The following NEMF variants were observed in gnomAD, a reference collection of about 807,000 sequenced individuals.
NEMF encodes the protein nuclear export mediator factor.
In NEMF, 89 loss-of-function variants were observed where a neutral mutation model predicts 162.2. The observed-to-expected ratio is 0.55, with a 90% CI of 0.46 to 0.65. NEMF has a LOEUF of 0.65. Among genes scored for constraint, NEMF ranks in the 30% least tolerant of loss-of-function variants. NEMF has a pLI of 0.00. For missense variants in NEMF, 1,133 were observed against 1,261.9 expected (o/e 0.90, Z 1.55); for synonymous variants, 421 against 404.5 (o/e 1.04, Z -0.49).
In NEMF at chr14:49,832,271, T is replaced by G; in HGVS notation, c.742A>C (p.Ile248Leu). 6.3e-7 allele frequency: 1 copy of G among 1,580,942 alleles called. No individual in the cohort carries two copies. The highest frequency in any genetic ancestry group is 1.1e-5 in the South Asian group (1 of 88,626). Reference protein sequence around the residue: ...TTSNFSGKGYIIQKREIKPSL... With the variant: ...TTSNFSGKGYLIQKREIKPSL... ...GGTTTTATTTCTCTTTTCTGAATGA[T>G]ATATCCCTACAAAAATGCAACATTA... is the stretch of plus-strand genomic sequence containing the variant. Residue 248 changes from isoleucine to leucine, a missense_variant, in exon 9 of 33, where the codon ATC becomes CTC. Physicochemically the swap from Ile to Leu is conservative, Grantham distance 5. This residue lies in a region of NEMF where 582 missense variants were observed against 631.5 expected (regional missense o/e 0.92). Transcript: ENST00000298310.
rs182447352 is a variant in NEMF at position 49,785,353 on chromosome 14, T to G, written c.2929-33A>C. ...GGGAAAATAACAGTTACAAAGGCAA[T>G]TTATACCGCCCTTTACAAAAAATGC... On this transcript the variant is annotated intron_variant, in intron 29 of 32. Coordinates refer to ENST00000298310, the MANE Select transcript of NEMF (RefSeq NM_004713.6). 1,035 of 1,442,182 alleles carry G rather than the reference T, an allele frequency of 7.2e-4. 6 individuals are homozygous for G. The African/African-American group carries it at 0.012, about 17-fold the overall frequency. 89.3% of individuals were successfully genotyped at this position (1,442,182 alleles called of 1,614,324 possible).
intron 25 of NEMF, among the ~76,000 whole-genome samples, chr14:49,799,115 A>G (rs1464777291): frequency 6.9e-6 from 1 of 145,308 alleles, no homozygotes. Flanking sequence ...AGGCTGAAGC[A>G]GGAGACTGCC....
At chr14:49,832,013 G>T in intron 10 of NEMF, 38 bp downstream of exon 10, 1 of 1,414,066 alleles carries the variant, frequency 7.1e-7, no homozygotes, top group Non-Finnish European at 9.7e-7. Context: ...CTCATATCAT[G>T]CTAACTAACT....
chr14:49,810,886 G>C (rs555696461), intron 18 of NEMF, among the ~76,000 whole-genome samples: 85 of 152,250 alleles, frequency 5.6e-4, no homozygotes, highest in African/African-American at 1.9e-3. Context: ...AACTACTCAG[G>C]AGGTTGAGAT....
chr14:49,795,904 A>T lies in NEMF; in HGVS notation c.2506T>A (p.Leu836Ile). 6.2e-7 allele frequency: 1 copy of T among 1,611,390 alleles called. No homozygotes were observed. Among genetic ancestry groups the T allele is most frequent in the Non-Finnish European group, 8.5e-7 (1 of 1,178,980 alleles). ...KKKLPSDSGDLEALEGKDKEK... is the reference protein window; with the variant it reads ...KKKLPSDSGDIEALEGKDKEK... ...TTATCCTTTCCCTCTAACGCTTCTA[A>T]ATCTCCTGAGTCACTTGGAAGTTTT... Residue 836 changes from leucine (L) to isoleucine (I), a missense_variant, in exon 26 of 33, where the codon TTA (leucine) becomes ATA (isoleucine). By Grantham distance (5) the Leu-to-Ile change is conservative. Around this residue, in one of 3 missense-constraint regions of NEMF, gnomAD observed 532 missense variants for 578.6 expected, o/e 0.92. Coordinates refer to ENST00000298310, the MANE Select transcript of NEMF (RefSeq NM_004713.6).
At chr14:49,829,559 A>G in intron 11 of NEMF, 133 bp from the exon 12 acceptor site, 1 of 728,314 alleles carries the variant, frequency 1.4e-6, no homozygotes. Context: ...CCCATAGTCT[A>G]CCACCCTAGG....
At position 49,784,103 on chromosome 14, in the gene NEMF, A is replaced by G. The variant is rs1890045523; in HGVS notation, c.*533T>C. 1 of 151,540 alleles carries G rather than the reference A, an allele frequency of 6.6e-6. No individual in the cohort carries two copies. The highest frequency in any genetic ancestry group is 1.5e-5 in the Non-Finnish European group (1 of 68,010). 9.4% of individuals were successfully genotyped at this position (151,540 alleles called of 1,614,324 possible). ...AATTTCAAGAAAATGTAGAATAACT[A>G]CAGATGTATATAATTAGCATTTAAC... On this transcript the variant is annotated 3_prime_UTR_variant, in exon 33 of 33. Transcript: ENST00000298310.
chr14:49,795,516 CT>C (rs147799780), intron 26 of NEMF, among the ~76,000 whole-genome samples: 2,444 of 152,276 alleles, frequency 0.016, 57 homozygotes, highest in African/African-American at 0.055. Context: ...AGCTCTGCTA[CT>C]TAACTAGCTG....
At chr14:49,851,249 T>C (rs1893760593) in intron 3 of NEMF, among the ~76,000 whole-genome samples, 1 of 152,082 alleles carries the variant, frequency 6.6e-6, no homozygotes, top group Non-Finnish European at 1.5e-5. Flanking sequence ...AAAATTAACG[T>C]TGGTCTAATT....
intron 1 of NEMF, among the ~76,000 whole-genome samples, chr14:49,852,405 T>C (rs546465623): frequency 2.0e-4 from 31 of 152,326 alleles, no homozygotes; most frequent in African/African-American, 6.3e-4. Flanking sequence ...TAACAAACGT[T>C]TCCTGCCCAA....
chr14:49,809,055 C>A (rs904043737), intron 18 of NEMF, among the ~76,000 whole-genome samples: 15 of 152,160 alleles, frequency 9.9e-5, no homozygotes, highest in African/African-American at 3.4e-4. Flanking sequence ...AGTGGAACAA[C>A]AGGAACTCCC....
intron 16 of NEMF, among the ~76,000 whole-genome samples, chr14:49,815,781 G>A (rs933329772): frequency 6.6e-6 from 1 of 152,004 alleles, no homozygotes; most frequent in Non-Finnish European, 1.5e-5. Context: ...CGGTTAACAT[G>A]GTGAAAACCC....
intron 20 of NEMF, 29 bp downstream of exon 20, chr14:49,803,208 T>C: frequency 6.8e-7 from 1 of 1,475,934 alleles, no homozygotes. Flanking sequence ...TTGACAAGTC[T>C]AGTGATATTT....
At position 49,851,816 on chromosome 14, in the gene NEMF, C is replaced by T. The variant is rs749885374; in HGVS notation, c.119G>A (p.Arg40His). 10 of 1,561,802 alleles carry T rather than the reference C, an allele frequency of 6.4e-6. No homozygotes were observed. Among genetic ancestry groups the T allele is most frequent in the Admixed American group, 5.4e-5 (3 of 55,490 alleles). ...TATAAAATGTTCTTACTTTTGAAGACGAATAAGGTATGTCTTATTATCCAC... is the reference window on the plus strand; with the variant it reads ...TATAAAATGTTCTTACTTTTGAAGATGAATAAGGTATGTCTTATTATCCAC... ...YDVDNKTYLI[R>H]LQKPDFKATL... The change falls in exon 2 of 33, where the codon CGT becomes CAT. Residue 40 changes from arginine (R) to histidine (H), a missense_variant. By Grantham distance (29) the Arg-to-His change is conservative. This residue lies in a region of NEMF where 582 missense variants were observed against 631.5 expected (regional missense o/e 0.92). Coordinates refer to ENST00000298310, the MANE Select transcript of NEMF (RefSeq NM_004713.6).
intron 3 of NEMF, among the ~76,000 whole-genome samples, chr14:49,847,335 C>T (rs1312759735): frequency 2.0e-5 from 3 of 152,044 alleles, no homozygotes; most frequent in Non-Finnish European, 4.4e-5. Flanking sequence ...CCAAGAGTAG[C>T]TGGGACTACA....
chr14:49,841,291 G>C (rs1027491645), intron 4 of NEMF, among the ~76,000 whole-genome samples: 1 of 148,308 alleles, frequency 6.7e-6, no homozygotes, highest in Admixed American at 6.7e-5. Context: ...AATTGAGAAA[G>C]AAGCCGGGCA....
intron 4 of NEMF, among the ~76,000 whole-genome samples, chr14:49,845,186 A>G (rs966885972): frequency 6.6e-6 from 1 of 151,538 alleles, no homozygotes; most frequent in Admixed American, 6.6e-5. Flanking sequence ...TCTGCCTCCC[A>G]GGTTCAAGTG....
At chr14:49,784,836 C>T (rs905237405) in intron 32 of NEMF, 89 bp downstream of exon 32, 40 of 1,401,678 alleles carry the variant, frequency 2.9e-5, no homozygotes, top group Non-Finnish European at 3.7e-5. Flanking sequence ...TCTAATAAGA[C>T]AGCATTTTCT....
chr14:49,805,548 A>G lies in NEMF; in HGVS notation c.1857+473T>C, dbSNP rs564209987. On this transcript the variant is annotated intron_variant, in intron 19 of 32. Coordinates refer to ENST00000298310, the MANE Select transcript of NEMF (RefSeq NM_004713.6). ...AACCCCAACAACATCATTAACCACA[A>G]AGAAGGGCAATTAATAAAAACAAGT... is the stretch of plus-strand genomic sequence containing the variant. Among the ~76,000 whole-genome samples, 5 of 152,240 alleles carry G rather than the reference A, an allele frequency of 3.3e-5. No homozygotes were observed. The East Asian group carries it at 7.7e-4, about 23-fold the overall frequency.
Sources: gnomAD v4.1 joint callset for allele counts (sites outside exome capture counted in the v4.1 genomes callset) on GRCh38, gnomAD v4.1.1 for gene constraint, gnomAD v4.1.1 regional missense constraint, MANE v1.5 for transcripts, NCBI Gene and HGNC (gene_info 2026-07-23, HGNC 2026-07-21) for gene names.